The following EEF1G variants were observed in gnomAD, a reference collection of about 807,000 sequenced individuals.
The protein encoded by EEF1G is elongation factor 1-gamma.
EEF1G carries 14 observed loss-of-function variants against 58.3 expected under a neutral mutation model. The observed-to-expected ratio is 0.24, with a 90% CI of 0.16 to 0.38. EEF1G has a LOEUF of 0.38. Ranked by LOEUF, EEF1G falls within the 10% of genes least tolerant of loss-of-function variation. EEF1G has a pLI of 1.00. For missense variants in EEF1G, 322 were observed against 550.1 expected, an observed-to-expected ratio of 0.59 and a Z score of 4.15; for synonymous variants, 180 against 206.8, an observed-to-expected ratio of 0.87 and a Z score of 1.11.
At chr11:62,566,735 TGA>T (rs968252343) in intron 7 of EEF1G, 69 bp downstream of exon 7, 2 of 1,422,102 alleles carry the variant, frequency 1.4e-6, no homozygotes, top group Admixed American at 3.9e-5. Context: ...TAGCTGTGTG[TGA>T]GGGGGGACAT....
chr11:62,572,607 G>C lies in EEF1G; in HGVS notation c.148C>G (p.Leu50Val). 1 of 1,612,162 alleles carries C rather than the reference G, an allele frequency of 6.2e-7. No homozygotes were observed. The highest frequency in any genetic ancestry group is 8.5e-7 in the Non-Finnish European group (1 of 1,179,880). Reference sequence around the variant, plus strand: ...ACCTTGCCGGCAGGAAATTTGCGGAGAAATTCAGGGGTGCGGTTGGTTTGG... The same window carrying C: ...ACCTTGCCGGCAGGAAATTTGCGGACAAATTCAGGGGTGCGGTTGGTTTGG... ...FGQTNRTPEF[L>V]RKFPAGKVPA... Residue 50 changes from leucine (L) to valine (V), a missense_variant, in exon 2 of 10, where the codon CTC becomes GTC. Leu to Val is a conservative substitution (Grantham distance 32, BLOSUM62 1). Transcript: ENST00000329251.
intron 7 of EEF1G, among the ~76,000 whole-genome samples, chr11:62,563,427 C>T (rs1590707566): frequency 6.6e-6 from 1 of 152,140 alleles, no homozygotes; most frequent in Non-Finnish European, 1.5e-5. Context: ...TGAGCCACCG[C>T]GCCCAGCCTA....
intron 1 of EEF1G, 41 bp from the exon 2 acceptor site, chr11:62,572,783 G>T: frequency 2.6e-6 from 4 of 1,565,594 alleles, no homozygotes; most frequent in Non-Finnish European, 3.5e-6. Context: ...GAGTAGAAGG[G>T]TCCCAGTCCT....
At chr11:62,569,544 G>A (rs969691158) in intron 5 of EEF1G, among the ~76,000 whole-genome samples, 9 of 152,132 alleles carry the variant, frequency 5.9e-5, no homozygotes, top group Admixed American at 3.3e-4. Context: ...TATTAAGCAT[G>A]GTCAAAGAAA....
At chr11:62,561,510 TAAA>T (rs71458419) in intron 7 of EEF1G, among the ~76,000 whole-genome samples, 1 of 102,346 alleles carries the variant, frequency 9.8e-6, no homozygotes, top group African/African-American at 3.9e-5. Flanking sequence ...CTATCTCTAC[TAAA>T]AAAAAAAAAA....
At chr11:62,562,079 T>C (rs1941502810) in intron 7 of EEF1G, among the ~76,000 whole-genome samples, 1 of 152,248 alleles carries the variant, frequency 6.6e-6, no homozygotes, top group South Asian at 2.1e-4. Flanking sequence ...CCATATCTAA[T>C]TATAATGAAG....
chr11:62,569,814 CT>C (rs147785518), intron 5 of EEF1G, among the ~76,000 whole-genome samples: 4,079 of 152,208 alleles, frequency 0.027, 179 homozygotes, highest in African/African-American at 0.092. Flanking sequence ...AGTGTTTTTT[CT>C]TTTGCTATGA....
chr11:62,567,066 T>G (rs1194822196), intron 6 of EEF1G, 56 bp from the exon 7 acceptor site: 1 of 1,570,906 alleles, frequency 6.4e-7, no homozygotes, highest in Admixed American at 1.7e-5. Context: ...TCCACACCCC[T>G]CCAAAACCAC....
chr11:62,571,010 C>T lies in EEF1G; in HGVS notation c.477G>A (p.Leu159=), dbSNP rs1233690462. The T allele has an allele frequency of 6.2e-7, 1 of 1,613,912 alleles. No homozygotes were observed. The highest frequency in any genetic ancestry group is 1.7e-5 in the Admixed American group (1 of 60,012). Residue 159 remains leucine, a synonymous_variant, in exon 5 of 10, where the codon TTG becomes TTA. Coordinates refer to ENST00000329251, the MANE Select transcript of EEF1G (RefSeq NM_001404.5). Reference sequence around the variant, plus strand: ...GGGTGCAGACAACTGTGATGTCAGCCAATGTCACTCGTTCGCCCACCAGAA... The same window carrying T: ...GGGTGCAGACAACTGTGATGTCAGCTAATGTCACTCGTTCGCCCACCAGAA... ...RTFLVGERVT[L]ADITVVCTLL...
At chr11:62,572,137 G>A (rs1235297369) in intron 2 of EEF1G, among the ~76,000 whole-genome samples, 2 of 151,970 alleles carry the variant, frequency 1.3e-5, no homozygotes, top group African/African-American at 4.8e-5. Flanking sequence ...ATATTTGTAT[G>A]AAATCTCTGG....
At chr11:62,573,185 C>T (rs1941657517) in intron 1 of EEF1G, 1 of 157,968 alleles carries the variant, frequency 6.3e-6, no homozygotes, top group Admixed American at 6.4e-5. Context: ...CTAAGGCACG[C>T]ACGACGATCG....
intron 1 of EEF1G, 190 bp downstream of exon 1, chr11:62,573,640 CT>C: frequency 1.3e-6 from 1 of 774,756 alleles, no homozygotes; most frequent in Non-Finnish European, 2.1e-6. Context: ...CCTTCCACCT[CT>C]GGCCTCCGAG....
At position 62,572,635 on chromosome 11, in the gene EEF1G, A is replaced by G. The variant is rs1260684608; in HGVS notation, c.120T>C (p.Phe40=). Residue 40 remains phenylalanine (F), a synonymous_variant, in exon 2 of 10, where the codon TTT becomes TTC. Transcript: ENST00000329251. ...RVLSAPPHFH[F]GQTNRTPEFL... ...ATTCAGGGGTGCGGTTGGTTTGGCC[A>G]AAATGGAAGTGGGGTGGTGCGGAGA... 6.2e-7 allele frequency: 1 copy of G among 1,612,322 alleles called. No homozygotes were observed. The highest frequency in any genetic ancestry group is 1.3e-5 in the African/African-American group (1 of 74,872).
In EEF1G at chr11:62,566,892, A is replaced by G. The variant is rs199610030; in HGVS notation, c.771T>C (p.Pro257=). ...ERKEEKKAAA[P]APEEEMDECE... ...ATTCATCCATCTCCTCCTCAGGAGC[A>G]GGGGCAGCCGCCTTTTTCTCCTCCT... The change falls in exon 7 of 10, where the codon CCT becomes CCC. Residue 257 remains proline, a synonymous_variant. Coordinates refer to ENST00000329251, the MANE Select transcript of EEF1G (RefSeq NM_001404.5). 1.1e-3 allele frequency: 1,838 copies of G among 1,613,650 alleles called. 3 individuals carry two copies. The highest frequency in any genetic ancestry group is 1.4e-3 in the Non-Finnish European group (1,659 of 1,179,818).
chr11:62,570,273 G>A (rs1941611300), intron 5 of EEF1G, among the ~76,000 whole-genome samples: 1 of 152,072 alleles, frequency 6.6e-6, no homozygotes, highest in Admixed American at 6.6e-5. Flanking sequence ...TGCTGGCCAG[G>A]ATGGTCTCGA....
chr11:62,561,688 A>AACAAAAC (rs1941497926), intron 7 of EEF1G, among the ~76,000 whole-genome samples: 2 of 140,432 alleles, frequency 1.4e-5, no homozygotes, highest in Non-Finnish European at 3.2e-5. Context: ...AAAACAAAAA[A>AACAAAAC]AAAAAAAACA....
chr11:62,564,988 G>T (rs1445758820), intron 7 of EEF1G, among the ~76,000 whole-genome samples: 1 of 151,790 alleles, frequency 6.6e-6, no homozygotes, highest in African/African-American at 2.4e-5. Context: ...CAGGAGAATC[G>T]CTTGAACTGG....
chr11:62,561,118 T>C (rs533766474), intron 7 of EEF1G, among the ~76,000 whole-genome samples: 2 of 152,294 alleles, frequency 1.3e-5, no homozygotes, highest in Admixed American at 6.5e-5. Context: ...TATAAACATA[T>C]ACACTGGCCA....
chr11:62,566,909 T>G lies in EEF1G; in HGVS notation c.754A>C (p.Lys252Gln), dbSNP rs1565261378. 6 of 1,613,848 alleles carry G rather than the reference T, an allele frequency of 3.7e-6. No individual in the cohort carries two copies. Among genetic ancestry groups the G allele is most frequent in the Admixed American group, 1.7e-5 (1 of 60,016 alleles). Reference protein sequence around the residue: ...QKPQAERKEEKKAAAPAPEEE... With the variant: ...QKPQAERKEEQKAAAPAPEEE... ...TCAGGAGCAGGGGCAGCCGCCTTTT[T>G]CTCCTCCTTCCGCTCAGCCTGGGGC... The change falls in exon 7 of 10, where the codon AAA becomes CAA. Residue 252 changes from lysine (K) to glutamine (Q), a missense_variant. Transcript: ENST00000329251.
Sources: allele counts gnomAD v4.1 joint callset (sites outside exome capture counted in the v4.1 genomes callset), GRCh38; gene constraint gnomAD v4.1.1; transcripts MANE v1.5; gene names NCBI Gene and HGNC (gene_info 2026-07-23, HGNC 2026-07-21).